MPHOSPH9: variants seen among roughly 807,000 people sequenced by gnomAD.
MPHOSPH9 encodes M-phase phosphoprotein 9.
MPHOSPH9 carries 88 observed loss-of-function variants against 145.5 expected under a neutral mutation model. The ratio of observed to expected loss-of-function variants is 0.60; its 90% CI spans 0.51 to 0.72. The LOEUF (loss-of-function observed/expected upper bound fraction) is 0.72. MPHOSPH9 is among the 30% of genes least tolerant of loss of function. The probability of loss-of-function intolerance (pLI) is 0.00; values close to 1 mark genes in which losing one functional copy is unlikely to be tolerated. For synonymous variants in MPHOSPH9, 435 were observed against 486.2 expected, an observed-to-expected ratio of 0.89 and a Z score of 1.39; for missense variants, 1,238 against 1,386.6, an observed-to-expected ratio of 0.89 and a Z score of 1.70.
intron 21 of MPHOSPH9, among the ~76,000 whole-genome samples, chr12:123,161,839 G>A (rs546652468): frequency 6.6e-6 from 1 of 152,070 alleles, no homozygotes; most frequent in Non-Finnish European, 1.5e-5. Flanking sequence ...CAAAGCCTAA[G>A]CTGCATATAG....
chr12:123,186,470 T>C (rs2045449915), intron 13 of MPHOSPH9, among the ~76,000 whole-genome samples: 1 of 152,126 alleles, frequency 6.6e-6, no homozygotes, highest in South Asian at 2.1e-4. Flanking sequence ...ACAATTTTTC[T>C]GCAGGCTTGA....
intron 12 of MPHOSPH9, among the ~76,000 whole-genome samples, chr12:123,195,396 C>G (rs1444668171): frequency 1.3e-5 from 2 of 151,374 alleles, no homozygotes; most frequent in Non-Finnish European, 2.9e-5. Flanking sequence ...AGCAGCCTGG[C>G]CAACATGGTG....
In MPHOSPH9 at chr12:123,210,111, T is replaced by A; in HGVS notation, c.1139A>T (p.Glu380Val). 6.2e-7 allele frequency: 1 copy of A among 1,611,948 alleles called. No homozygotes were observed. The highest frequency in any genetic ancestry group is 8.5e-7 in the Non-Finnish European group (1 of 1,178,948). The change falls in exon 8 of 24, where the codon GAA (glutamate) becomes GTA (valine). Residue 380 changes from glutamate (E) to valine (V), a missense_variant. Physicochemically the swap from Glu to Val is moderately radical, Grantham distance 121 (BLOSUM62 -2). This residue lies in a region of MPHOSPH9 where 837 missense variants were observed against 897.5 expected (regional missense o/e 0.93). Transcript: ENST00000606320. ...EEKDMHHSLP[E>V]TLEKTFISLS... Reference sequence around the variant, plus strand: ...TGATATGAACGTCTTCTCTAAAGTTTCAGGCAAAGAGTGGTGCATATCCTT... The same window carrying A: ...TGATATGAACGTCTTCTCTAAAGTTACAGGCAAAGAGTGGTGCATATCCTT...
intron 5 of MPHOSPH9, among the ~76,000 whole-genome samples, chr12:123,221,025 A>G (rs2047177096): frequency 6.6e-6 from 1 of 152,254 alleles, no homozygotes; most frequent in African/African-American, 2.4e-5. Context: ...ACTGCACTCC[A>G]GCCTGGGTGA....
chr12:123,237,262 C>A (rs1232237662), upstream of MPHOSPH9, among the ~76,000 whole-genome samples: 1 of 152,076 alleles, frequency 6.6e-6, no homozygotes, highest in Non-Finnish European at 1.5e-5. Context: ...AAACCCCCGC[C>A]TCTACTAAAA....
intron 8 of MPHOSPH9, among the ~76,000 whole-genome samples, chr12:123,208,694 T>C (rs951269815): frequency 1.3e-5 from 2 of 151,936 alleles, no homozygotes; most frequent in African/African-American, 2.4e-5. Flanking sequence ...CTACTACATA[T>C]GAAATAGTAG....
intron 23 of MPHOSPH9, among the ~76,000 whole-genome samples, chr12:123,157,306 T>C (rs545049702): frequency 4.8e-5 from 7 of 145,870 alleles, no homozygotes; most frequent in African/African-American, 1.5e-4. Context: ...CACACATACA[T>C]AGATCAAATA....
At chr12:123,186,434 A>C (rs893017869) in intron 13 of MPHOSPH9, among the ~76,000 whole-genome samples, 1 of 152,144 alleles carries the variant, frequency 6.6e-6, no homozygotes, top group Non-Finnish European at 1.5e-5. Context: ...TAAAGAATAT[A>C]CAAGGGTTTT....
At chr12:123,216,870 T>A (rs1362891512) in intron 6 of MPHOSPH9, among the ~76,000 whole-genome samples, 1 of 151,766 alleles carries the variant, frequency 6.6e-6, no homozygotes, top group Admixed American at 6.6e-5. Flanking sequence ...GCGCCTATAG[T>A]CCCAGCTAAT....
chr12:123,197,452 A>T (rs1012040053), intron 12 of MPHOSPH9, among the ~76,000 whole-genome samples: 2 of 151,972 alleles, frequency 1.3e-5, no homozygotes, highest in African/African-American at 4.8e-5. Context: ...GATTACTGAC[A>T]TGAGCCACCA....
At chr12:123,240,086 G>A (rs1324490295) in intron 1 of MPHOSPH9, among the ~76,000 whole-genome samples, 1 of 151,606 alleles carries the variant, frequency 6.6e-6, no homozygotes, top group Non-Finnish European at 1.5e-5. Context: ...GAGCCTCGCC[G>A]GGCAAGGTGG....
rs113211315 is a variant in MPHOSPH9 at position 123,218,285 on chromosome 12, G to C, written c.996+91C>G. 6.3e-4 allele frequency: 953 copies of C among 1,507,920 alleles called. 3 individuals are homozygous for C. In the African/African-American group the frequency reaches 0.01, roughly 17 times the overall value. 93.4% of individuals were successfully genotyped at this position (1,507,920 alleles called of 1,614,324 possible). A position where few individuals can be genotyped will look rare whatever the true frequency, so the allele number is the denominator to read the frequency against. On this transcript the variant is annotated intron_variant, in intron 6 of 23. Coordinates refer to ENST00000606320, the MANE Select transcript of MPHOSPH9 (RefSeq NM_022782.4). ...AAATGAACAAATTAACAATACAAAA[G>C]AAAGGGCACAAGAGTTTTGTTCATG...
intron 3 of MPHOSPH9, chr12:123,226,288 A>C (rs1626703): frequency 0.7 from 752,054 of 1,078,290 alleles, 273,466 homozygotes; most frequent in Non-Finnish European, 0.74. Context: ...AAATAATTAC[A>C]CTTAGCAGTT....
At chr12:123,214,154 G>A (rs189309441) in intron 7 of MPHOSPH9, among the ~76,000 whole-genome samples, 4 of 152,232 alleles carry the variant, frequency 2.6e-5, no homozygotes, top group East Asian at 1.9e-4. Context: ...TGGACTACCC[G>A]AAAAAGGTTG....
intron 1 of MPHOSPH9, among the ~76,000 whole-genome samples, chr12:123,243,447 G>A (rs928592911): frequency 4.0e-5 from 6 of 150,152 alleles, no homozygotes; most frequent in African/African-American, 7.4e-5. Flanking sequence ...GGAGAATGGC[G>A]TGAACCCGGG....
intron 4 of MPHOSPH9, 134 bp downstream of exon 4, chr12:123,222,904 C>A (rs1250099360): frequency 5.6e-6 from 3 of 539,822 alleles, no homozygotes; most frequent in Non-Finnish European, 8.9e-6. Flanking sequence ...CCACTGCACT[C>A]CAACCTGGGC....
intron 13 of MPHOSPH9, among the ~76,000 whole-genome samples, chr12:123,193,925 T>C (rs772403447): frequency 1.8e-4 from 27 of 151,844 alleles, no homozygotes; most frequent in African/African-American, 2.2e-4. Context: ...CAAGACCCAA[T>C]TGACTCCATC....
At chr12:123,191,774 G>A (rs192294609) in intron 13 of MPHOSPH9, among the ~76,000 whole-genome samples, 2 of 152,280 alleles carry the variant, frequency 1.3e-5, no homozygotes, top group South Asian at 2.1e-4. Context: ...AAAAGGACAC[G>A]GGACCAGTCT....
Position 123,230,283 on chromosome 12 carries a change from C to T in MPHOSPH9, c.82G>A (p.Gly28Arg). The T allele has an allele frequency of 6.5e-7, 1 of 1,527,552 alleles. No homozygotes were observed. The highest frequency in any genetic ancestry group is 8.8e-7 in the Non-Finnish European group (1 of 1,140,646). 94.6% of individuals were successfully genotyped at this position (1,527,552 alleles called of 1,614,324 possible). A position where few individuals can be genotyped will look rare whatever the true frequency, so the allele number is the denominator to read the frequency against. ...GSDENSLHSLGLNLNTDRSSP... is the reference protein window; with the variant it reads ...GSDENSLHSLRLNLNTDRSSP... ...TACCTATCAGTATTTAAGTTCAGTCCAAGAGAATGAAGAGAATTTTCATCA... is the reference window on the plus strand; with the variant it reads ...TACCTATCAGTATTTAAGTTCAGTCTAAGAGAATGAAGAGAATTTTCATCA... The change falls in exon 2 of 24, where the codon GGA (glycine) becomes AGA (arginine). Residue 28 changes from glycine to arginine, a missense_variant. This residue lies in a region of MPHOSPH9 where 837 missense variants were observed against 897.5 expected (regional missense o/e 0.93). Coordinates refer to ENST00000606320, the MANE Select transcript of MPHOSPH9 (RefSeq NM_022782.4).
Sources: allele counts gnomAD v4.1 joint callset (sites outside exome capture counted in the v4.1 genomes callset), GRCh38; gene constraint gnomAD v4.1.1; regional missense constraint gnomAD v4.1.1; transcripts MANE v1.5; gene names NCBI Gene and HGNC (gene_info 2026-07-23, HGNC 2026-07-21).